Variants in SYTL4 observed in about 807,000 individuals in gnomAD.
The protein encoded by SYTL4 is synaptotagmin-like protein 4.
In SYTL4, 16 loss-of-function variants were observed where a neutral mutation model predicts 52.7. The observed-to-expected ratio is 0.30, with a 90% CI of 0.21 to 0.46. SYTL4 has a LOEUF of 0.46. Ranked by LOEUF, SYTL4 falls within the 20% of genes least tolerant of loss-of-function variation. SYTL4 has a pLI of 1.00. For missense variants in SYTL4, 423 were observed against 519.9 expected (o/e 0.81, Z 1.81); for synonymous variants, 160 against 186.6 (o/e 0.86, Z 1.16).
chrX:100,701,155 A>T, intron 7 of SYTL4, 65 bp downstream of exon 7: 1 of 971,740 alleles, frequency 1.0e-6, no homozygotes, highest in Non-Finnish European at 1.5e-6. Flanking sequence ...CATGGAGTTA[A>T]GATGCTACCA....
intron 2 of SYTL4, among the ~76,000 whole-genome samples, chrX:100,724,268 G>A (rs1444243636): frequency 7.8e-5 from 8 of 103,038 alleles, no homozygotes; most frequent in Non-Finnish European, 1.2e-4. Flanking sequence ...CGCCCCGCCC[G>A]GCCAGCCGCC....
chrX:100,690,092 T>A lies in SYTL4; in HGVS notation c.791A>T (p.Lys264Ile), dbSNP rs373929720. The A allele has an allele frequency of 7.6e-5, 92 of 1,208,618 alleles. No homozygotes were observed. The highest frequency in any genetic ancestry group is 1.0e-4 in the Non-Finnish European group (90 of 894,318). ...GEMIFKKNTR[K>I]ILRPSEYTKS... The stretch of plus-strand genomic sequence containing the variant: ...CCAGTTACCTGAAGGCCTGAGGATT[T>A]TTCTGGTGTTCTTCTTAAATATCAT... Residue 264 changes from lysine to isoleucine, a missense_variant, in exon 11 of 20, where the codon AAA becomes ATA. Transcript: ENST00000372989.
intron 2 of SYTL4, among the ~76,000 whole-genome samples, chrX:100,708,768 T>C (rs2084008722): frequency 8.9e-6 from 1 of 112,166 alleles, no homozygotes; most frequent in Admixed American, 9.4e-5. Context: ...AAATATAGAA[T>C]TCCTTGTAAG....
chrX:100,724,165 G>A (rs916513036), intron 2 of SYTL4, among the ~76,000 whole-genome samples: 2 of 89,527 alleles, frequency 2.2e-5, no homozygotes, highest in South Asian at 6.3e-4. Context: ...CCCCCCACAC[G>A]GCCAGCCGCC....
chrX:100,685,597 A>G (rs982591973), intron 16 of SYTL4: 7 of 117,142 alleles, frequency 6.0e-5, no homozygotes, highest in African/African-American at 2.3e-4. Context: ...TTGGAGCTCC[A>G]TGAATTGCTT....
At chrX:100,676,205 G>A in intron 19 of SYTL4, 29 bp from the exon 20 acceptor site, 1 of 1,208,859 alleles carries the variant, frequency 8.3e-7, no homozygotes, top group Non-Finnish European at 1.1e-6. Context: ...AGAGGCTAAA[G>A]AGGGGCCCCA....
intron 17 of SYTL4, 121 bp downstream of exon 17, chrX:100,681,106 G>C: frequency 1.8e-6 from 1 of 544,799 alleles, no homozygotes; most frequent in Non-Finnish European, 3.2e-6. Context: ...AATCTCCCTA[G>C]CAGATCCAGG....
chrX:100,690,632 G>GTC lies in SYTL4; in HGVS notation c.646_647dup (p.Asp216GlufsTer23). The stretch of plus-strand genomic sequence containing the variant: ...GAAAGAGGCCAGATTTATCCAGAGA[G>GTC]TCTCTCCTGGAGGTAGATTCAGAAA... On this transcript the variant is annotated frameshift_variant, in exon 10 of 20. Coordinates refer to ENST00000372989, the MANE Select transcript of SYTL4 (RefSeq NM_001370165.1). LOFTEE classifies it high-confidence loss of function. 8.4e-7 allele frequency: 1 copy of GTC among 1,194,437 alleles called. No individual in the cohort carries two copies. The highest frequency in any genetic ancestry group is 1.1e-6 in the Non-Finnish European group (1 of 881,508).
rs747650243 is a variant in SYTL4, at chrX:100,702,032, C to T, written c.6G>A (p.Ser2=). 3.5e-4 allele frequency: 412 copies of T among 1,187,453 alleles called. 1 individual carries two copies. The South Asian group carries it at 7.0e-3, about 20-fold the overall frequency. Residue 2 remains serine, a synonymous_variant, in exon 5 of 20, where the codon TCG becomes TCA. Transcript: ENST00000372989. ...ACAGAAAAGAAAGGTCCAGTAACTC[C>T]GACATGATTTACTCAACTTTTTCTT... M[S]ELLDLSFLSE...
chrX:100,727,965 T>C (rs1200235945), intron 2 of SYTL4, among the ~76,000 whole-genome samples: 3 of 111,299 alleles, frequency 2.7e-5, no homozygotes, highest in African/African-American at 6.5e-5. Context: ...GTCAAATAGG[T>C]CATTGGATAT....
chrX:100,683,777 T>C (rs1312235615), intron 16 of SYTL4, among the ~76,000 whole-genome samples: 1 of 112,553 alleles, frequency 8.9e-6, no homozygotes, highest in African/African-American at 3.2e-5. Context: ...TTCTGTGAAC[T>C]TCAGTGGACT....
Position 100,678,408 on chromosome X carries a change from C to G in SYTL4, c.1850G>C (p.Arg617Thr). 1 of 1,209,579 alleles carries G rather than the reference C, an allele frequency of 8.3e-7. No individual in the cohort carries two copies. The highest frequency in any genetic ancestry group is 1.1e-6 in the Non-Finnish European group (1 of 893,733). ...LASNDFLGGV[R>T]LGVGTGISNG... ...GATCTCACCAGTGCCAACACCCAGC[C>G]TGACCCCTCCCAGGAAGTCATTGCT... Residue 617 changes from arginine to threonine, a missense_variant, in exon 19 of 20, where the codon AGG (arginine) becomes ACG (threonine). By Grantham distance (71) the Arg-to-Thr change is moderately conservative (BLOSUM62 -1). Coordinates refer to ENST00000372989, the MANE Select transcript of SYTL4 (RefSeq NM_001370165.1).
chrX:100,684,697 T>TCTTTC (rs56232273), intron 16 of SYTL4: 133 of 71,273 alleles, frequency 1.9e-3, no homozygotes, highest in African/African-American at 6.0e-3. Context: ...TTTCTTTCTT[T>TCTTTC]TTTTTTTTTT....
intron 2 of SYTL4, among the ~76,000 whole-genome samples, chrX:100,725,317 G>A (rs1422130569): frequency 8.9e-6 from 1 of 111,960 alleles, no homozygotes; most frequent in Non-Finnish European, 1.9e-5. Flanking sequence ...AAAACAAGAA[G>A]AGGTAAGTAT....
intron 16 of SYTL4, among the ~76,000 whole-genome samples, chrX:100,683,559 G>A (rs1036432626): frequency 9.0e-6 from 1 of 111,510 alleles, no homozygotes; most frequent in Non-Finnish European, 1.9e-5. Context: ...ATATGTGAGA[G>A]AGACAAAAGA....
chrX:100,705,916 A>C (rs1357983150), intron 2 of SYTL4, among the ~76,000 whole-genome samples: 1 of 111,315 alleles, frequency 9.0e-6, no homozygotes, highest in Non-Finnish European at 1.9e-5. Context: ...CTGTTCTTCA[A>C]CTTTATCAAG....
chrX:100,693,503 C>T (rs12843846), intron 8 of SYTL4, among the ~76,000 whole-genome samples: 52,142 of 111,350 alleles, frequency 0.47, 10,701 homozygotes, highest in Non-Finnish European at 0.64. Flanking sequence ...TACGTTCTCA[C>T]TGCCTCCACT....
Position 100,681,231 on chromosome X carries a change from T to G in SYTL4, c.1554A>C (p.Lys518Asn). 1.7e-6 allele frequency: 2 copies of G among 1,207,926 alleles called. No homozygotes were observed. Among genetic ancestry groups the G allele is most frequent in the South Asian group, 3.5e-5 (2 of 56,803 alleles). Residue 518 changes from lysine to asparagine, a missense_variant, in exon 17 of 20, where the codon AAA (lysine) becomes AAC (asparagine). Coordinates refer to ENST00000372989, the MANE Select transcript of SYTL4 (RefSeq NM_001370165.1). ...ASKTPVGGDR[K>N]KSKGGEGGEL... ...AGGACCCCAAAGAAAACTCACTCTT[T>G]TTCCGGTCACCTCCAACAGGGGTTT...
At chrX:100,718,154 T>A (rs1200774383) in intron 2 of SYTL4, among the ~76,000 whole-genome samples, 1 of 111,656 alleles carries the variant, frequency 9.0e-6, no homozygotes, top group African/African-American at 3.3e-5. Flanking sequence ...CTGTTTAGTT[T>A]TAATTATTAT....
Sources: gnomAD v4.1 joint callset for allele counts (sites outside exome capture counted in the v4.1 genomes callset) on GRCh38, gnomAD v4.1.1 for gene constraint, MANE v1.5 for transcripts, NCBI Gene and HGNC (gene_info 2026-07-23, HGNC 2026-07-21) for gene names.